The following CFAP74 variants were observed in gnomAD, a reference collection of about 807,000 sequenced individuals.
CFAP74 encodes cilia and flagella associated protein 74, also known as cilia- and flagella-associated protein 74.
In CFAP74, 124 loss-of-function variants were observed where a neutral mutation model predicts 188.9. The observed-to-expected ratio is 0.66, with a 90% CI of 0.57 to 0.76. CFAP74 has a LOEUF of 0.76. Among genes scored for constraint, CFAP74 ranks in the 30% least tolerant of loss-of-function variants. The pLI is 0.00. For missense variants in CFAP74, 2,198 were observed against 2,165.2 expected, an observed-to-expected ratio of 1.02 and a Z score of -0.30; for synonymous variants, 956 against 916.7, an observed-to-expected ratio of 1.04 and a Z score of -0.77.
intron 22 of CFAP74, among the ~76,000 whole-genome samples, chr1:1,941,195 G>T (rs1409302731): frequency 6.6e-6 from 1 of 152,218 alleles, no homozygotes; most frequent in Non-Finnish European, 1.5e-5. Context: ...ACAGGCGGCC[G>T]GCGGGGGCAA....
rs1270028551 is a variant in CFAP74, at chr1:1,923,683, A to G, written c.4389+92T>C. On this transcript the variant is annotated intron_variant, in intron 35 of 38. Transcript: ENST00000682832. This position sits in a 1 kb window ranked among gnomAD's most constrained non-coding sequence, Gnocchi z 6.3. ...TGAGTCCCCCAGCCATGGTACCCTC[A>G]GGGCCTCCAAAGTGGAGCAGTGCAG... 3.7e-5 allele frequency: 59 copies of G among 1,579,854 alleles called. No homozygotes were observed. The highest frequency in any genetic ancestry group is 4.9e-5 in the Non-Finnish European group (57 of 1,152,166).
Position 1,970,659 on chromosome 1 carries a change from C to A in CFAP74, c.1046G>T (p.Arg349Met). 2 of 1,604,866 alleles carry A rather than the reference C, an allele frequency of 1.2e-6. No individual in the cohort carries two copies. The highest frequency in any genetic ancestry group is 2.2e-5 in the East Asian group (1 of 44,588). ...GTGGCACCTCTGCCACCACCCTCAC[C>A]TCTTCTGGGCCTCCAGCTCCTGGCG... ...RRRQELEAQK[R>M]AFEEEQKLRK... The change falls in exon 10 of 39, where the codon AGG becomes ATG. Residue 349 changes from arginine to methionine, a missense_variant and splice_region_variant. Arg to Met is a moderately conservative substitution (Grantham distance 91). Coordinates refer to ENST00000682832, the MANE Select transcript of CFAP74 (RefSeq NM_001304360.2).
chr1:1,972,081 T>C lies in CFAP74; in HGVS notation c.787A>G (p.Ile263Val), dbSNP rs1476618860. 1.9e-6 allele frequency: 3 copies of C among 1,610,588 alleles called. No individual in the cohort carries two copies. The highest frequency in any genetic ancestry group is 1.7e-5 in the Admixed American group (1 of 60,030). The change falls in exon 9 of 39, where the codon ATC becomes GTC. Residue 263 changes from isoleucine (I) to valine (V), a missense_variant and splice_region_variant. Coordinates refer to ENST00000682832, the MANE Select transcript of CFAP74 (RefSeq NM_001304360.2). Reference sequence around the variant, plus strand: ...TCCTCCTTCTTCTCTTGCTCTCGGATTCTGAGGAAGGACATTTAAACATTT... The same window carrying C: ...TCCTCCTTCTTCTCTTGCTCTCGGACTCTGAGGAAGGACATTTAAACATTT... Reference protein sequence around the residue: ...VRFLKASLGRIREQEKKEEME... With the variant: ...VRFLKASLGRVREQEKKEEME...
At chr1:1,983,508 G>A (rs373337329) in intron 6 of CFAP74, among the ~76,000 whole-genome samples, 1 of 152,190 alleles carries the variant, frequency 6.6e-6, no homozygotes, top group African/African-American at 2.4e-5. Context: ...GAACCGCAAC[G>A]TCCGCCTGTC....
chr1:1,964,942 C>G lies in CFAP74; in HGVS notation c.1521G>C (p.Gly507=), dbSNP rs778626914. Residue 507 remains glycine, a synonymous_variant, in exon 13 of 39, where the codon GGG becomes GGC. Coordinates refer to ENST00000682832, the MANE Select transcript of CFAP74 (RefSeq NM_001304360.2). ...TGAAGGGGCGTCCTTGGAACTCACG[C>G]CCCCACACCACCTGCTTGTGGACCA... ...SRVVHKQVVW[G]REFQGRPFNS... The G allele has an allele frequency of 8.1e-6, 13 of 1,613,848 alleles. No homozygotes were observed. The African/African-American group carries it at 1.2e-4, about 15-fold the overall frequency.
At chr1:1,943,903 G>T (rs1161369010) in intron 21 of CFAP74, among the ~76,000 whole-genome samples, 2 of 152,202 alleles carry the variant, frequency 1.3e-5, no homozygotes, top group African/African-American at 2.4e-5. Flanking sequence ...TCTAGAAGCT[G>T]CAGTGTCCCC....
At chr1:1,990,667 G>A (rs1213301965) in intron 2 of CFAP74, among the ~76,000 whole-genome samples, 1 of 152,208 alleles carries the variant, frequency 6.6e-6, no homozygotes, top group Non-Finnish European at 1.5e-5. Flanking sequence ...CAATACTGAT[G>A]TTGGAAACTA....
chr1:1,973,926 T>C lies in CFAP74; in HGVS notation c.674+99A>G. ...GGGTGGAGGTGGATCTGGACAGATG[T>C]GGAGGGCGAGGCTGAATCTGGAGAC... On this transcript the variant is annotated intron_variant, in intron 7 of 38. Transcript: ENST00000682832. This position sits in a 1 kb window ranked among gnomAD's most constrained non-coding sequence, Gnocchi z 6.2. 8.4e-7 allele frequency: 1 copy of C among 1,191,622 alleles called. No homozygotes were observed. The highest frequency in any genetic ancestry group is 1.1e-6 in the Non-Finnish European group (1 of 875,384). The allele number at this position is 1,191,622 out of a possible 1,614,324, so 73.8% of individuals were successfully genotyped here.
At position 1,967,358 on chromosome 1, in the gene CFAP74, G is replaced by A. The variant is rs74504636; in HGVS notation, c.1246-832C>T. Among the ~76,000 whole-genome samples the A allele has an allele frequency of 4.7e-3, 714 of 151,914 alleles. 22 individuals carry two copies. In the East Asian group the frequency reaches 0.086, roughly 18 times the overall value. ...GGAGCGACAGACAGGAAGTCTGGAC[G>A]GGGCCAGCGCATTGCTGTTACTGTG... On this transcript the variant is annotated intron_variant, in intron 11 of 38. Transcript: ENST00000682832.
chr1:1,954,277 G>A (rs562017816), intron 18 of CFAP74: 1 of 152,272 alleles, frequency 6.6e-6, no homozygotes, highest in African/African-American at 2.4e-5. Flanking sequence ...GCAGAGCTGG[G>A]CTTCTGGGCT....
intron 27 of CFAP74, 128 bp downstream of exon 27, chr1:1,928,656 G>A: frequency 1.5e-6 from 1 of 648,240 alleles, no homozygotes. Flanking sequence ...CACGTGCATT[G>A]CTTGGGAAAG....
At chr1:1,977,348 C>T (rs1229168931) in intron 6 of CFAP74, among the ~76,000 whole-genome samples, 2 of 152,106 alleles carry the variant, frequency 1.3e-5, no homozygotes, top group African/African-American at 2.4e-5. Context: ...TGAGCGAGTG[C>T]CCCAAACCGC....
At chr1:1,992,421 A>C (rs1022646565) in intron 1 of CFAP74, among the ~76,000 whole-genome samples, 2 of 150,950 alleles carry the variant, frequency 1.3e-5, no homozygotes, top group Non-Finnish European at 2.9e-5. Flanking sequence ...ACCCACCTCA[A>C]CCTCCCAAAG....
intron 6 of CFAP74, among the ~76,000 whole-genome samples, chr1:1,981,317 G>A (rs994097016): frequency 1.6e-4 from 25 of 152,322 alleles, no homozygotes; most frequent in Admixed American, 9.1e-4. Context: ...CCTTGACTGC[G>A]AGAGGGAGGG....
At chr1:1,970,866 T>C (rs749192229) in intron 9 of CFAP74, 50 bp from the exon 10 acceptor site, 1 of 1,605,270 alleles carries the variant, frequency 6.2e-7, no homozygotes, top group East Asian at 2.2e-5. Context: ...CACGGGCACA[T>C]GCACACGCTC....
At chr1:1,992,931 T>C (rs1358719424) in intron 1 of CFAP74, among the ~76,000 whole-genome samples, 1 of 151,622 alleles carries the variant, frequency 6.6e-6, no homozygotes, top group Non-Finnish European at 1.5e-5. Context: ...CCGGGCACAG[T>C]GGCTCGCGCT....
chr1:1,969,765 T>A (rs1254792398), intron 10 of CFAP74, among the ~76,000 whole-genome samples: 4 of 150,116 alleles, frequency 2.7e-5, no homozygotes, highest in African/African-American at 9.8e-5. Flanking sequence ...CTCAGGGGGG[T>A]GGGGAGGACG....
chr1:1,986,180 C>T (rs1657223053), intron 5 of CFAP74, among the ~76,000 whole-genome samples: 2 of 152,088 alleles, frequency 1.3e-5, no homozygotes, highest in African/African-American at 4.8e-5. Context: ...GTCAGGAGTT[C>T]AAGACCAGCC....
At chr1:1,922,931 G>A (rs1049344400) in intron 37 of CFAP74, 54 bp downstream of exon 37, 2 of 1,528,320 alleles carry the variant, frequency 1.3e-6, no homozygotes, top group Non-Finnish European at 1.8e-6. Context: ...GCTGCCCAGG[G>A]CAGGGGAGGC....
Sources: gnomAD v4.1 joint callset for allele counts (sites outside exome capture counted in the v4.1 genomes callset) on GRCh38, gnomAD v4.1.1 for gene constraint, Gnocchi (gnomAD v3.1) non-coding constraint, MANE v1.5 for transcripts, NCBI Gene and HGNC (gene_info 2026-07-23, HGNC 2026-07-21) for gene names.